Variants in IMPG1 observed in about 807,000 individuals in gnomAD.
The protein encoded by IMPG1 is interphotoreceptor matrix proteoglycan of 150 kDa.
IMPG1 carries 85 observed loss-of-function variants against 92.0 expected under a neutral mutation model. The observed-to-expected ratio is 0.92, with a 90% CI of 0.78 to 1.11. IMPG1 has a LOEUF of 1.11. Ranked by LOEUF, IMPG1 falls within the 50% of genes least tolerant of loss-of-function variation. The pLI is 0.00. For missense variants in IMPG1, 1,022 were observed against 956.0 expected, an observed-to-expected ratio of 1.07 and a Z score of -0.91; for synonymous variants, 367 against 334.1, an observed-to-expected ratio of 1.10 and a Z score of -1.08.
intron 1 of IMPG1, among the ~76,000 whole-genome samples, chr6:76,058,545 C>T (rs182346349): frequency 1.5e-4 from 23 of 152,188 alleles, no homozygotes; most frequent in East Asian, 3.9e-4. Flanking sequence ...AATTTGCCAA[C>T]GTAACAAAAT....
At chr6:76,005,992 G>A (rs1248713041) in intron 9 of IMPG1, among the ~76,000 whole-genome samples, 1 of 151,996 alleles carries the variant, frequency 6.6e-6, no homozygotes, top group African/African-American at 2.4e-5. Flanking sequence ...AAGGAAGTGG[G>A]CTAATTTTAA....
At chr6:75,982,122 C>T (rs549056299) in intron 12 of IMPG1, among the ~76,000 whole-genome samples, 15 of 152,086 alleles carry the variant, frequency 9.9e-5, no homozygotes, top group Admixed American at 4.6e-4. Flanking sequence ...TAACATTAAG[C>T]CATTAAAAAT....
Position 76,072,491 on chromosome 6 carries a change from T to A in IMPG1, c.-3A>T. The A allele has an allele frequency of 6.3e-7, 1 of 1,582,374 alleles. No individual in the cohort carries two copies. Among genetic ancestry groups the A allele is most frequent in the Non-Finnish European group, 8.6e-7 (1 of 1,158,170 alleles). ...GCTCTTCTAGTTTCCAAATACATTCTGGCTTTTGTGCATTGGTAATTCTGA... is the reference window on the plus strand; with the variant it reads ...GCTCTTCTAGTTTCCAAATACATTCAGGCTTTTGTGCATTGGTAATTCTGA... On this transcript the variant is annotated 5_prime_UTR_variant, in exon 1 of 17. Transcript: ENST00000369950.
At chr6:76,046,892 A>C (rs1281045530) in intron 1 of IMPG1, among the ~76,000 whole-genome samples, 3 of 152,176 alleles carry the variant, frequency 2.0e-5, no homozygotes, top group African/African-American at 4.8e-5. Context: ...CTTTATTCAA[A>C]ATTTTCATTA....
chr6:75,974,531 G>A (rs1392218915), intron 12 of IMPG1, among the ~76,000 whole-genome samples: 2 of 143,902 alleles, frequency 1.4e-5, no homozygotes, highest in East Asian at 4.1e-4. Context: ...ATGCAATGGC[G>A]TGATCTTGGC....
Position 76,052,303 on chromosome 6 carries a change from G to A in IMPG1, c.68-10177C>T, listed in dbSNP as rs564184583. Among the ~76,000 whole-genome samples the A allele has an allele frequency of 5.9e-5, 9 of 152,274 alleles. 1 individual carries two copies. In the South Asian group the frequency reaches 1.9e-3, roughly 32 times the overall value. On this transcript the variant is annotated intron_variant, in intron 1 of 16. Transcript: ENST00000369950. The stretch of plus-strand genomic sequence containing the variant: ...TCATCCGTCTTAGTAGGGTGAGAGG[G>A]CAGGGCATATTGAGAAGAGGAGGAG...
chr6:76,018,525 G>A (rs1783336390), intron 7 of IMPG1, among the ~76,000 whole-genome samples, 193 bp downstream of exon 7: 1 of 152,176 alleles, frequency 6.6e-6, no homozygotes, highest in Non-Finnish European at 1.5e-5. Flanking sequence ...TAGAAAGGCT[G>A]GAATGAAAAA....
At chr6:75,963,163 C>A (rs1351679305) in intron 12 of IMPG1, among the ~76,000 whole-genome samples, 1 of 151,916 alleles carries the variant, frequency 6.6e-6, no homozygotes, top group Non-Finnish European at 1.5e-5. Context: ...AATAAAATAT[C>A]ACTATATTGG....
At chr6:75,993,067 C>G (rs1326721769) in intron 12 of IMPG1, among the ~76,000 whole-genome samples, 1 of 152,124 alleles carries the variant, frequency 6.6e-6, no homozygotes, top group Non-Finnish European at 1.5e-5. Context: ...ACTGAGGTCT[C>G]TTGTGAACTT....
chr6:75,985,508 A>C (rs1782701797), intron 12 of IMPG1, among the ~76,000 whole-genome samples: 2 of 152,256 alleles, frequency 1.3e-5, no homozygotes, highest in Non-Finnish European at 2.9e-5. Context: ...AGCCAATTGC[A>C]GAATTCTGCT....
At chr6:75,979,828 T>C (rs1187133077) in intron 12 of IMPG1, among the ~76,000 whole-genome samples, 1 of 152,224 alleles carries the variant, frequency 6.6e-6, no homozygotes, top group Non-Finnish European at 1.5e-5. Context: ...CTGTATTTAT[T>C]AACAATGAAC....
rs113748395 is a variant in IMPG1, at chr6:76,069,226, T to C, written c.67+3196A>G. 3.6e-3 allele frequency among the ~76,000 whole-genome samples: 547 copies of C among 152,070 alleles called. 4 individuals are homozygous for C. Among genetic ancestry groups the C allele is most frequent in the African/African-American group, 0.013 (521 of 41,490 alleles). On this transcript the variant is annotated intron_variant, in intron 1 of 16. Transcript: ENST00000369950. ...TCACTGTATATAAAAATTAGCCCAA[T>C]AGAGATAAAAGACTTAAACATGAGA...
intron 12 of IMPG1, among the ~76,000 whole-genome samples, chr6:75,978,146 T>C (rs1307495131): frequency 2.0e-5 from 3 of 151,950 alleles, no homozygotes; most frequent in Non-Finnish European, 4.4e-5. Flanking sequence ...CAAATTTATA[T>C]TTCCCACAAT....
intron 1 of IMPG1, 118 bp from the exon 2 acceptor site, chr6:76,042,244 T>G: frequency 4.0e-5 from 26 of 642,746 alleles, no homozygotes; most frequent in Non-Finnish European, 4.7e-5. Context: ...ATGAAATTTC[T>G]ACCGTGGTGC....
At chr6:75,946,055 T>C (rs12660653) in intron 14 of IMPG1, among the ~76,000 whole-genome samples, 12,382 of 152,238 alleles carry the variant, frequency 0.081, 579 homozygotes, top group East Asian at 0.23. Context: ...GAAATTAGCC[T>C]TCTGATCCTA....
chr6:76,058,099 T>C (rs1366715776), intron 1 of IMPG1, among the ~76,000 whole-genome samples: 1 of 152,194 alleles, frequency 6.6e-6, no homozygotes, highest in Non-Finnish European at 1.5e-5. Flanking sequence ...ATTAACCCTT[T>C]ACAAGATACA....
intron 2 of IMPG1, 107 bp from the exon 3 acceptor site, chr6:76,034,894 C>G (rs1325742129): frequency 2.2e-6 from 2 of 902,050 alleles, no homozygotes; most frequent in South Asian, 1.7e-5. Context: ...TGTCGACACA[C>G]TAATTTACAG....
At chr6:75,984,590 A>G (rs1425684081) in intron 12 of IMPG1, among the ~76,000 whole-genome samples, 4 of 152,238 alleles carry the variant, frequency 2.6e-5, no homozygotes, top group Non-Finnish European at 5.9e-5. Context: ...GCATATGTTA[A>G]TTAGCTTGAT....
chr6:76,008,111 A>G (rs1783127459), intron 8 of IMPG1, among the ~76,000 whole-genome samples: 2 of 152,176 alleles, frequency 1.3e-5, no homozygotes, highest in African/African-American at 2.4e-5. Flanking sequence ...AACAATTTAC[A>G]TGCATTCTCA....
Sources: allele counts gnomAD v4.1 joint callset (sites outside exome capture counted in the v4.1 genomes callset), GRCh38; gene constraint gnomAD v4.1.1; transcripts MANE v1.5; gene names NCBI Gene and HGNC (gene_info 2026-07-23, HGNC 2026-07-21).